The following GABRA1 variants were observed in gnomAD, a reference collection of about 807,000 sequenced individuals.
GABRA1 encodes the protein gamma-aminobutyric acid receptor subunit alpha-1.
GABRA1 carries 9 observed loss-of-function variants against 48.9 expected under a neutral mutation model. That is an observed-to-expected ratio of 0.18 (90% CI 0.11 to 0.32). The LOEUF is 0.32. Among genes scored for constraint, GABRA1 ranks in the 10% least tolerant of loss-of-function variants. The pLI is 1.00. For missense variants in GABRA1, 285 were observed against 553.8 expected (o/e 0.51, Z 4.87); for synonymous variants, 210 against 198.7 (o/e 1.06, Z -0.48).
At chr5:161,853,560 A>G (rs549411644) in intron 2 of GABRA1, 1 of 152,010 alleles carries the variant, frequency 6.6e-6, no homozygotes, top group East Asian at 1.9e-4. Flanking sequence ...GTTTGAGCAG[A>G]CAAATTTTAA....
chr5:161,871,350 A>C (rs1201752169), intron 4 of GABRA1, among the ~76,000 whole-genome samples: 1 of 152,140 alleles, frequency 6.6e-6, no homozygotes, highest in Non-Finnish European at 1.5e-5. Context: ...GCTGTTGACC[A>C]ATCTAAAGTC....
intron 8 of GABRA1, among the ~76,000 whole-genome samples, chr5:161,893,778 T>C (rs1755232725): frequency 6.6e-6 from 1 of 152,200 alleles, no homozygotes; most frequent in African/African-American, 2.4e-5. Flanking sequence ...TAAATGAAAG[T>C]ACAAGGAAAG....
At position 161,850,864 on chromosome 5, in the gene GABRA1, G is replaced by A. The variant is rs753085546; in HGVS notation, c.54G>A (p.Leu18=). The A allele has an allele frequency of 6.2e-7, 1 of 1,613,852 alleles. No homozygotes were observed. The highest frequency in any genetic ancestry group is 8.5e-7 in the Non-Finnish European group (1 of 1,179,776). The change falls in exon 2 of 10, where the codon CTG becomes CTA. Residue 18 remains leucine, a synonymous_variant. Transcript: ENST00000393943. ...GTCTTTGGGCCTGGATCCTCCTTCTGAGCACACTGACTGGAAGAAGGTGGG... is the reference window on the plus strand; with the variant it reads ...GTCTTTGGGCCTGGATCCTCCTTCTAAGCACACTGACTGGAAGAAGGTGGG... ...SDCLWAWILL[L]STLTGRSYGQ...
chr5:161,889,818 A>G (rs1049332813), intron 7 of GABRA1, among the ~76,000 whole-genome samples: 4 of 152,012 alleles, frequency 2.6e-5, no homozygotes, highest in African/African-American at 9.7e-5. Context: ...GCCACCTTCA[A>G]TAAATGATTA....
intron 2 of GABRA1, among the ~76,000 whole-genome samples, chr5:161,852,970 T>C (rs1339726896): frequency 1.3e-5 from 2 of 151,904 alleles, no homozygotes; most frequent in Non-Finnish European, 2.9e-5. Context: ...ATCAGTAACA[T>C]CAACACACAG....
At chr5:161,896,614 A>G (rs1436477810) in intron 9 of GABRA1, among the ~76,000 whole-genome samples, 1 of 152,206 alleles carries the variant, frequency 6.6e-6, no homozygotes, top group Non-Finnish European at 1.5e-5. Flanking sequence ...AGACAAAGAG[A>G]TTTTAAGATG....
intron 6 of GABRA1, among the ~76,000 whole-genome samples, chr5:161,876,583 A>C (rs1754364957): frequency 6.6e-6 from 1 of 152,182 alleles, no homozygotes. Context: ...TCGGGCTCCT[A>C]GCAGCATCAG....
chr5:161,861,316 T>C (rs990758996), intron 3 of GABRA1, among the ~76,000 whole-genome samples: 5 of 151,702 alleles, frequency 3.3e-5, no homozygotes, highest in Admixed American at 2.6e-4. Flanking sequence ...ATTATAAAAA[T>C]TTAAAAAAGA....
At chr5:161,849,686 A>G (rs1316515700) in intron 1 of GABRA1, among the ~76,000 whole-genome samples, 1 of 152,216 alleles carries the variant, frequency 6.6e-6, no homozygotes, top group African/African-American at 2.4e-5. Flanking sequence ...CAGTCTATTA[A>G]TCACTTACCC....
chr5:161,874,473 G>A (rs925960893), intron 5 of GABRA1, among the ~76,000 whole-genome samples: 2 of 152,012 alleles, frequency 1.3e-5, no homozygotes, highest in African/African-American at 2.4e-5. Context: ...CATACACTTG[G>A]CTTTGAGCCT....
intron 3 of GABRA1, among the ~76,000 whole-genome samples, chr5:161,862,638 G>A (rs1484614743): frequency 1.3e-5 from 2 of 151,868 alleles, no homozygotes; most frequent in Non-Finnish European, 2.9e-5. Context: ...TATGTGGTTT[G>A]CTACAGAGGA....
intron 8 of GABRA1, among the ~76,000 whole-genome samples, chr5:161,892,199 G>A (rs771409582): frequency 5.9e-5 from 9 of 152,128 alleles, no homozygotes; most frequent in Non-Finnish European, 8.8e-5. Flanking sequence ...ATTGGTGAGA[G>A]GTGCAATTAT....
intron 7 of GABRA1, among the ~76,000 whole-genome samples, chr5:161,890,233 A>G (rs1755028742): frequency 6.6e-6 from 1 of 152,060 alleles, no homozygotes; most frequent in Non-Finnish European, 1.5e-5. Context: ...AAATCTGGTT[A>G]TTAATACAGA....
rs559237699 is a variant in GABRA1 at position 161,860,206 on chromosome 5, G to T, written c.188-5515G>T. 2.6e-5 allele frequency among the ~76,000 whole-genome samples: 4 copies of T among 151,918 alleles called. No homozygotes were observed. The East Asian group carries it at 7.8e-4, about 29-fold the overall frequency. On this transcript the variant is annotated intron_variant, in intron 3 of 9. Transcript: ENST00000393943. ...GCCACATTGTCTGATGAATTTAACT[G>T]AGCTACCCAAAGGAATGTTCTAGCG...
At chr5:161,877,016 G>A (rs192324846) in intron 6 of GABRA1, among the ~76,000 whole-genome samples, 6 of 152,146 alleles carry the variant, frequency 3.9e-5, no homozygotes, top group African/African-American at 1.4e-4. Context: ...CTCACTGCAG[G>A]CTTGACCCCC....
chr5:161,869,311 C>A (rs956452972), intron 4 of GABRA1, among the ~76,000 whole-genome samples: 1 of 152,130 alleles, frequency 6.6e-6, no homozygotes, highest in Non-Finnish European at 1.5e-5. Flanking sequence ...TTCATCTAAT[C>A]CTTGTGCAAA....
intron 5 of GABRA1, 23 bp downstream of exon 5, chr5:161,873,360 T>C: frequency 6.4e-7 from 1 of 1,551,882 alleles, no homozygotes; most frequent in Non-Finnish European, 8.9e-7. Flanking sequence ...GCACTGCCAT[T>C]CATGAATGTT....
chr5:161,893,027 T>A (rs1457007019), intron 8 of GABRA1, among the ~76,000 whole-genome samples: 7,046 of 134,580 alleles, frequency 0.052, 669 homozygotes, highest in African/African-American at 0.17. Context: ...ATAATAATAA[T>A]AATAATAATA....
chr5:161,882,770 A>T, intron 7 of GABRA1, 69 bp downstream of exon 7: 1 of 1,409,044 alleles, frequency 7.1e-7, no homozygotes, highest in Non-Finnish European at 1.0e-6. Flanking sequence ...AACTCAATGA[A>T]TCATTCAGTA....
Sources: allele counts gnomAD v4.1 joint callset (sites outside exome capture counted in the v4.1 genomes callset), GRCh38; gene constraint gnomAD v4.1.1; transcripts MANE v1.5; gene names NCBI Gene and HGNC (gene_info 2026-07-23, HGNC 2026-07-21).